Variants in DRC11 observed in about 807,000 individuals in gnomAD.
DRC11 encodes the protein dynein regulatory complex subunit 11, also known as IQ and AAA domain-containing protein 1.
the DRC11 span, among the ~76,000 whole-genome samples, chr2:236,479,069 C>T: frequency 4.1e-4 from 63 of 152,298 alleles, no homozygotes; most frequent in East Asian, 3.3e-3. This position sits in a 1 kb window ranked among gnomAD's most constrained non-coding sequence, Gnocchi z 4.1. Context: ...AAATGATCCA[C>T]GCACCTTGGC....
the DRC11 span, chr2:236,412,731 C>G: frequency 6.6e-6 from 1 of 152,212 alleles, no homozygotes; most frequent in East Asian, 1.9e-4. Flanking sequence ...TCTATTTCAT[C>G]TTTTTATATC....
the DRC11 span, among the ~76,000 whole-genome samples, chr2:236,501,666 G>T: frequency 1.3e-5 from 2 of 152,224 alleles, no homozygotes; most frequent in East Asian, 3.9e-4. Context: ...TAAACCCAAG[G>T]CGCTCACTGG....
At chr2:236,470,114 T>C in the DRC11 span, among the ~76,000 whole-genome samples, 1 of 152,202 alleles carries the variant, frequency 6.6e-6, no homozygotes. This position sits in a 1 kb window ranked among gnomAD's most constrained non-coding sequence, Gnocchi z 5.1. Context: ...ACATGGTCCA[T>C]TAACTTAAAA....
the DRC11 span, among the ~76,000 whole-genome samples, chr2:236,464,017 C>T: frequency 6.6e-6 from 1 of 152,224 alleles, no homozygotes; most frequent in African/African-American, 2.4e-5. Context: ...AGCTCCCTGC[C>T]TTGTGGGCCT....
At chr2:236,333,821 T>C in the DRC11 span, among the ~76,000 whole-genome samples, 4 of 152,248 alleles carry the variant, frequency 2.6e-5, no homozygotes, top group East Asian at 7.7e-4. The surrounding 1 kb of genome is among the most constrained non-coding windows in gnomAD (Gnocchi z 6.0). Flanking sequence ...TTAGTAACGG[T>C]GTACAGTTAC....
At chr2:236,474,328 G>A in the DRC11 span, among the ~76,000 whole-genome samples, 1 of 152,108 alleles carries the variant, frequency 6.6e-6, no homozygotes, top group Non-Finnish European at 1.5e-5. Flanking sequence ...CATTTGAGCT[G>A]AGTACATGTA....
chr2:236,330,475 T>G, the DRC11 span, among the ~76,000 whole-genome samples: 1 of 152,158 alleles, frequency 6.6e-6, no homozygotes, highest in African/African-American at 2.4e-5. The surrounding 1 kb of genome is among the most constrained non-coding windows in gnomAD (Gnocchi z 5.5). Context: ...ATTATGACTA[T>G]TTTTCACCTT....
chr2:236,396,720 C>T, the DRC11 span, among the ~76,000 whole-genome samples: 1 of 152,186 alleles, frequency 6.6e-6, no homozygotes, highest in Non-Finnish European at 1.5e-5. Context: ...ACTCTATCTA[C>T]CTGCTAATTA....
chr2:236,358,217 T>TTATA, the DRC11 span, among the ~76,000 whole-genome samples: 1 of 124,936 alleles, frequency 8.0e-6, no homozygotes, highest in Non-Finnish European at 1.6e-5. Context: ...TATGAATATA[T>TTATA]TATATACTGT....
At chr2:236,440,015 G>A in the DRC11 span, among the ~76,000 whole-genome samples, 1 of 152,174 alleles carries the variant, frequency 6.6e-6, no homozygotes, top group Admixed American at 6.5e-5. Flanking sequence ...ATCTCATGGA[G>A]AAGATAAGCC....
At chr2:236,306,893 G>A in the DRC11 span, among the ~76,000 whole-genome samples, 1 of 152,142 alleles carries the variant, frequency 6.6e-6, no homozygotes, top group Non-Finnish European at 1.5e-5. The surrounding 1 kb of genome is among the most constrained non-coding windows in gnomAD (Gnocchi z 5.9). Context: ...TATCCTGTGT[G>A]TAAATTATCA....
the DRC11 span, among the ~76,000 whole-genome samples, chr2:236,482,910 C>T: frequency 6.6e-6 from 1 of 152,120 alleles, no homozygotes; most frequent in African/African-American, 2.4e-5. The surrounding 1 kb of genome is among the most constrained non-coding windows in gnomAD (Gnocchi z 4.5). Context: ...TAATATAAAA[C>T]ATACCAGTCT....
chr2:236,349,777 G>A, the DRC11 span, among the ~76,000 whole-genome samples: 3 of 152,116 alleles, frequency 2.0e-5, no homozygotes, highest in Non-Finnish European at 2.9e-5. The surrounding 1 kb of genome is among the most constrained non-coding windows in gnomAD (Gnocchi z 5.5). Flanking sequence ...ACTGGGTACC[G>A]GGCTTAATGC....
chr2:236,477,155 G>A, the DRC11 span, among the ~76,000 whole-genome samples: 1 of 152,062 alleles, frequency 6.6e-6, no homozygotes, highest in Non-Finnish European at 1.5e-5. Flanking sequence ...CAACATGGGG[G>A]TTAGGAGTGC....
the DRC11 span, among the ~76,000 whole-genome samples, chr2:236,472,491 T>C: frequency 9.2e-5 from 14 of 152,250 alleles, no homozygotes; most frequent in Non-Finnish European, 1.5e-5. This position sits in a 1 kb window ranked among gnomAD's most constrained non-coding sequence, Gnocchi z 4.6. Flanking sequence ...CAGTTGCACA[T>C]GTATTTTACA....
At chr2:236,472,745 C>T in the DRC11 span, among the ~76,000 whole-genome samples, 1 of 152,172 alleles carries the variant, frequency 6.6e-6, no homozygotes, top group Non-Finnish European at 1.5e-5. This position sits in a 1 kb window ranked among gnomAD's most constrained non-coding sequence, Gnocchi z 4.6. Flanking sequence ...TAGCACTCTC[C>T]AGCCCCTACA....
chr2:236,431,750 G>A, the DRC11 span, among the ~76,000 whole-genome samples: 2 of 152,160 alleles, frequency 1.3e-5, no homozygotes, highest in African/African-American at 4.8e-5. This position sits in a 1 kb window ranked among gnomAD's most constrained non-coding sequence, Gnocchi z 4.2. Flanking sequence ...GTTGTAGCAT[G>A]TATCAGTTGT....
the DRC11 span, among the ~76,000 whole-genome samples, chr2:236,393,056 A>C: frequency 1.1e-3 from 173 of 152,292 alleles, no homozygotes; most frequent in Non-Finnish European, 2.0e-3. The surrounding 1 kb of genome is among the most constrained non-coding windows in gnomAD (Gnocchi z 4.7). Context: ...ATGTATGCTG[A>C]GGTGTGGAAT....
the DRC11 span, among the ~76,000 whole-genome samples, chr2:236,390,758 G>A: frequency 2.0e-5 from 3 of 151,684 alleles, no homozygotes; most frequent in African/African-American, 7.3e-5. The surrounding 1 kb of genome is among the most constrained non-coding windows in gnomAD (Gnocchi z 5.9). Flanking sequence ...GGGTTTGTGG[G>A]AGGCCCATGG....
Sources: allele counts gnomAD v4.1 joint callset (sites outside exome capture counted in the v4.1 genomes callset), GRCh38; gene constraint gnomAD v4.1.1; non-coding constraint Gnocchi (gnomAD v3.1); transcripts MANE v1.5; gene names NCBI Gene and HGNC (gene_info 2026-07-23, HGNC 2026-07-21).